NECAP2: variants seen among roughly 807,000 people sequenced by gnomAD.
The protein encoded by NECAP2 is adaptin ear-binding coat-associated protein 2.
Under a neutral mutation model 37.8 loss-of-function variants are expected in NECAP2, and 38 were observed. The observed-to-expected ratio is 1.01, with a 90% CI of 0.78 to 1.32. NECAP2 has a LOEUF of 1.32. NECAP2 is among the 40% of genes most tolerant of loss of function. NECAP2 has a pLI of 0.00. For synonymous variants in NECAP2, 121 were observed against 127.7 expected (o/e 0.95, Z 0.35); for missense variants, 316 against 334.5 (o/e 0.94, Z 0.43).
chr1:16,443,511 G>A, intron 1 of NECAP2, 121 bp from the exon 2 acceptor site: 2 of 737,758 alleles, frequency 2.7e-6, no homozygotes. Context: ...TTTACTGTCT[G>A]ACTCTTTACA....
intron 6 of NECAP2, among the ~76,000 whole-genome samples, chr1:16,452,961 C>T (rs2086867985): frequency 6.6e-6 from 1 of 152,150 alleles, no homozygotes; most frequent in Non-Finnish European, 1.5e-5. Context: ...GACTTCAGTC[C>T]TGTGGGGAGA....
intron 4 of NECAP2, chr1:16,448,390 C>G (rs1197259326): frequency 1.3e-5 from 7 of 544,976 alleles, no homozygotes; most frequent in Non-Finnish European, 2.0e-5. Context: ...TTACCAGTCC[C>G]CTGAGCAGCC....
intron 7 of NECAP2, among the ~76,000 whole-genome samples, chr1:16,457,871 G>A (rs1291063336): frequency 2.6e-5 from 4 of 151,730 alleles, no homozygotes; most frequent in East Asian, 3.9e-4. Context: ...CACCACACCC[G>A]GCTAATTTTT....
chr1:16,443,563 T>A, intron 1 of NECAP2, 69 bp from the exon 2 acceptor site: 2 of 1,208,180 alleles, frequency 1.7e-6, no homozygotes, highest in Non-Finnish European at 2.4e-6. Flanking sequence ...AGCAGCCCTT[T>A]CCATTCCCAG....
rs74798882 is a variant in NECAP2, at chr1:16,448,099, G to A, written c.338G>A (p.Gly113Asp). 3.7e-6 allele frequency: 6 copies of A among 1,614,184 alleles called. No homozygotes were observed. Among genetic ancestry groups the A allele is most frequent in the East Asian group, 2.2e-5 (1 of 44,888 alleles). Residue 113 changes from glycine to aspartate, a missense_variant, in exon 4 of 8, where the codon GGT becomes GAT. This residue lies in a region of NECAP2 where 204 missense variants were observed against 188.6 expected (regional missense o/e 1.08). Transcript: ENST00000337132. Reference protein sequence around the residue: ...AFIGIGFGDRGDAFDFNVALQ... With the variant: ...AFIGIGFGDRDDAFDFNVALQ... ...ATTGGAATTGGCTTCGGGGACCGAG[G>A]TGATGCCTTTGACTTCAATGTTGCA...
In NECAP2 at chr1:16,449,172, G is replaced by A. The variant is rs1449480998; in HGVS notation, c.460G>A (p.Glu154Lys). ...QGPKLDLGFK[E>K]GQTIKLNIAN... ...CCCTAAACTGGACCTGGGCTTCAAG[G>A]AGGGCCAGACCATCAAGCTCAACAT... Residue 154 changes from glutamate (E) to lysine (K), a missense_variant, in exon 5 of 8, where the codon GAG (glutamate) becomes AAG (lysine). This residue lies in a region of NECAP2 where 204 missense variants were observed against 188.6 expected (regional missense o/e 1.08). Transcript: ENST00000337132. 5.0e-6 allele frequency: 8 copies of A among 1,612,746 alleles called. No individual in the cohort carries two copies. The South Asian group carries it at 8.8e-5, about 18-fold the overall frequency.
intron 6 of NECAP2, among the ~76,000 whole-genome samples, chr1:16,454,056 ATTTTTAT>A (rs2086883646): frequency 6.6e-6 from 1 of 152,136 alleles, no homozygotes; most frequent in Admixed American, 6.5e-5. Flanking sequence ...TTATTTATTT[ATTTTTAT>A]TTTTTATTTT....
chr1:16,456,946 C>T (rs2086929571), intron 7 of NECAP2, among the ~76,000 whole-genome samples: 2 of 152,150 alleles, frequency 1.3e-5, no homozygotes, highest in African/African-American at 4.8e-5. Flanking sequence ...AAGCGATCTG[C>T]CTGCCTCGGC....
intron 6 of NECAP2, among the ~76,000 whole-genome samples, chr1:16,454,330 A>G (rs1259642248): frequency 6.6e-6 from 1 of 151,026 alleles, no homozygotes; most frequent in Non-Finnish European, 1.5e-5. Context: ...AAGTGCTGGG[A>G]TTACAGGCAT....
intron 7 of NECAP2, among the ~76,000 whole-genome samples, chr1:16,456,803 G>A (rs1057510602): frequency 1.3e-5 from 2 of 152,104 alleles, no homozygotes; most frequent in African/African-American, 2.4e-5. Context: ...GCACTATCAC[G>A]GCTTACTGCA....
chr1:16,452,965 G>T (rs956900801), intron 6 of NECAP2, among the ~76,000 whole-genome samples: 3 of 152,170 alleles, frequency 2.0e-5, no homozygotes, highest in Non-Finnish European at 2.9e-5. Context: ...TCAGTCCTGT[G>T]GGGAGAGTGG....
intron 5 of NECAP2, 120 bp from the exon 6 acceptor site, chr1:16,451,718 C>A: frequency 1.1e-6 from 1 of 938,506 alleles, no homozygotes; most frequent in Non-Finnish European, 1.7e-6. Context: ...TAGGTAGGAC[C>A]ATCTTTTGGT....
rs371213060 is a variant in NECAP2 at position 16,451,310 on chromosome 1, TTG to T, written c.490-527_490-526del. ...GATGGACATTTGGGTAGTTTCCAGTTTGGGGCGATTACAAATAATGCTGCTGT... is the reference window on the plus strand; with the variant it reads ...GATGGACATTTGGGTAGTTTCCAGTTGGGCGATTACAAATAATGCTGCTGT... On this transcript the variant is annotated intron_variant, in intron 5 of 7. Transcript: ENST00000337132. The T allele has an allele frequency of 2.4e-3, 372 of 153,598 alleles. 4 individuals carry two copies. The highest frequency in any genetic ancestry group is 0.015 in the Admixed American group (230 of 15,552). The allele number at this position is 153,598 out of a possible 1,614,324, so 9.5% of individuals were successfully genotyped here.
At chr1:16,447,845 C>T (rs371498631) in intron 2 of NECAP2, 25 bp from the exon 3 acceptor site, 15 of 1,597,572 alleles carry the variant, frequency 9.4e-6, no homozygotes, top group Middle Eastern at 1.7e-4. Flanking sequence ...CAGGGCTCAG[C>T]GCTCAGCCTA....
In NECAP2 at chr1:16,440,787, T is replaced by G; in HGVS notation, c.26T>G (p.Val9Gly). Residue 9 changes from valine (V) to glycine (G), a missense_variant, in exon 1 of 8, where the codon GTG becomes GGG. Transcript: ENST00000337132. MEESGYES[V>G]LCVKPDVHVY... ...ATGGAGGAGAGCGGGTACGAGTCGGTGCTCTGTGTCAAGCCTGACGTCCAC... is the reference window on the plus strand; with the variant it reads ...ATGGAGGAGAGCGGGTACGAGTCGGGGCTCTGTGTCAAGCCTGACGTCCAC... 3 of 1,614,052 alleles carry G rather than the reference T, an allele frequency of 1.9e-6. No homozygotes were observed. The highest frequency in any genetic ancestry group is 2.5e-6 in the Non-Finnish European group (3 of 1,179,998).
At chr1:16,447,828 G>GGGGGCTC in intron 2 of NECAP2, 42 bp from the exon 3 acceptor site, 2 of 1,547,904 alleles carry the variant, frequency 1.3e-6, no homozygotes, top group South Asian at 1.1e-5. Context: ...TTGGCTGGAA[G>GGGGGCTC]GGGGCTCAGG....
rs1156949545 is a variant in NECAP2, at chr1:16,457,986, C to T, written c.744-856C>T. Among the ~76,000 whole-genome samples, 78 of 152,006 alleles carry T rather than the reference C, an allele frequency of 5.1e-4. 2 individuals carry two copies. The highest frequency in any genetic ancestry group is 1.0e-4 in the Non-Finnish European group (7 of 67,998). On this transcript the variant is annotated intron_variant, in intron 7 of 7. Coordinates refer to ENST00000337132, the MANE Select transcript of NECAP2 (RefSeq NM_018090.5). ...TCAGCCTCCCAGAGTGCTGGGATTA[C>T]AGGCGTGAACTACCATGCCTGGCCC...
chr1:16,442,072 G>A (rs1223533286), intron 1 of NECAP2, among the ~76,000 whole-genome samples: 1 of 150,454 alleles, frequency 6.6e-6, no homozygotes, highest in Non-Finnish European at 1.5e-5. Context: ...TCCGCCTCCC[G>A]GATTCAAGCG....
At chr1:16,455,227 G>A (rs1271210121) in intron 6 of NECAP2, among the ~76,000 whole-genome samples, 3 of 152,224 alleles carry the variant, frequency 2.0e-5, no homozygotes, top group African/African-American at 7.2e-5. Context: ...CACAAAAGCA[G>A]GCATTGCAGC....
Sources: allele counts gnomAD v4.1 joint callset (sites outside exome capture counted in the v4.1 genomes callset), GRCh38; gene constraint gnomAD v4.1.1; regional missense constraint gnomAD v4.1.1; transcripts MANE v1.5; gene names NCBI Gene and HGNC (gene_info 2026-07-23, HGNC 2026-07-21).